Variants in PATJ observed in about 807,000 individuals in gnomAD.
PATJ encodes the protein PATJ crumbs cell polarity complex component, also known as inaD-like protein.
PATJ carries 190 observed loss-of-function variants against 224.9 expected under a neutral mutation model. The ratio of observed to expected loss-of-function variants is 0.84; its 90% CI spans 0.75 to 0.95. PATJ has a LOEUF of 0.95. PATJ is among the 40% of genes least tolerant of loss of function. The pLI, the probability that PATJ is intolerant of heterozygous loss-of-function variation, is 0.00. For missense variants in PATJ, 2,121 were observed against 2,270.3 expected (o/e 0.93, Z 1.34); for synonymous variants, 769 against 820.3 (o/e 0.94, Z 1.07).
chr1:61,902,197 G>A (rs1239427320), intron 24 of PATJ, among the ~76,000 whole-genome samples: 2 of 149,600 alleles, frequency 1.3e-5, no homozygotes, highest in East Asian at 4.0e-4. Flanking sequence ...CAGCCTGGGT[G>A]ACAGAACGAC....
chr1:62,159,555 C>CT (rs56862738), intron 43 of PATJ, among the ~76,000 whole-genome samples: 63 of 134,746 alleles, frequency 4.7e-4, no homozygotes, highest in South Asian at 2.2e-3. Context: ...ATTTCGAATA[C>CT]TTTTTTTTTT....
At chr1:61,902,722 G>A (rs571783575) in intron 24 of PATJ, among the ~76,000 whole-genome samples, 1 of 152,216 alleles carries the variant, frequency 6.6e-6, no homozygotes, top group African/African-American at 2.4e-5. Context: ...GGGAATGGGG[G>A]AATAGACAAT....
intron 20 of PATJ, among the ~76,000 whole-genome samples, chr1:61,866,925 A>C (rs981889053): frequency 6.6e-6 from 1 of 152,190 alleles, no homozygotes; most frequent in African/African-American, 2.4e-5. Flanking sequence ...TTTTTAGACC[A>C]TATAGGGTAA....
chr1:61,766,546 T>G, intron 4 of PATJ, 73 bp downstream of exon 4: 1 of 1,026,788 alleles, frequency 9.7e-7, no homozygotes, highest in Non-Finnish European at 1.4e-6. Flanking sequence ...GAGCTTATAC[T>G]CATTCTTTTT....
intron 37 of PATJ, among the ~76,000 whole-genome samples, chr1:62,118,680 A>T (rs1223732688): frequency 6.6e-6 from 1 of 151,992 alleles, no homozygotes. Flanking sequence ...CCCAGGTTGG[A>T]GTGCAATGGC....
At chr1:61,845,176 G>A (rs980360034) in intron 17 of PATJ, among the ~76,000 whole-genome samples, 9 of 152,060 alleles carry the variant, frequency 5.9e-5, no homozygotes, top group Non-Finnish European at 7.4e-5. Flanking sequence ...AACACTTTAG[G>A]TATATTGACT....
intron 34 of PATJ, among the ~76,000 whole-genome samples, chr1:62,109,210 G>GT (rs397942833): frequency 0.036 from 5,151 of 142,464 alleles, 254 homozygotes; most frequent in African/African-American, 0.12. Flanking sequence ...TTTAGGCCAC[G>GT]TTTTTTTTTT....
intron 22 of PATJ, among the ~76,000 whole-genome samples, chr1:61,897,296 T>C (rs577808189): frequency 6.6e-6 from 1 of 152,356 alleles, no homozygotes; most frequent in East Asian, 1.9e-4. Context: ...AACAGTTTAC[T>C]TGAATTGGTG....
chr1:62,034,271 C>T lies in PATJ; in HGVS notation c.3960-3706C>T, dbSNP rs559346359. 2.6e-5 allele frequency among the ~76,000 whole-genome samples: 4 copies of T among 152,100 alleles called. 1 individual carries two copies. Among genetic ancestry groups the T allele is most frequent in the Admixed American group, 2.6e-4 (4 of 15,266 alleles). ...CAGCATGGCCAACATGGTGATACTC[C>T]ATCTCTACTAAAAATACCAAAATTA... On this transcript the variant is annotated intron_variant, in intron 29 of 43. Transcript: ENST00000642238.
chr1:61,911,194 G>GT lies in PATJ; in HGVS notation c.3492+2720dup, dbSNP rs1244707827. Reference sequence around the variant, plus strand: ...GAGCATCACCAGTACACTTTCTTGGGTTTTTTTTGTTGTTGTTTTTTGTTT... The same window carrying GT: ...GAGCATCACCAGTACACTTTCTTGGGTTTTTTTTTGTTGTTGTTTTTTGTTT... On this transcript the variant is annotated intron_variant, in intron 25 of 43. Coordinates refer to ENST00000642238, the MANE Select transcript of PATJ (RefSeq NM_001350145.3). Among the ~76,000 whole-genome samples, 11 of 151,740 alleles carry GT rather than the reference G, an allele frequency of 7.2e-5. No individual in the cohort carries two copies. The East Asian group carries it at 9.7e-4, about 13-fold the overall frequency.
chr1:61,971,026 T>G (rs1011993670), intron 27 of PATJ, among the ~76,000 whole-genome samples: 1 of 152,218 alleles, frequency 6.6e-6, no homozygotes, highest in African/African-American at 2.4e-5. Context: ...TGCCAGCTCC[T>G]TTGCATGCTT....
chr1:61,974,405 C>CTCTTTTTTTT (rs1434777894), intron 27 of PATJ, among the ~76,000 whole-genome samples: 1 of 64,242 alleles, frequency 1.6e-5, no homozygotes, highest in African/African-American at 6.3e-5. Flanking sequence ...CTCTCTCTCT[C>CTCTTTTTTTT]TTTTTTTTTT....
intron 21 of PATJ, 169 bp downstream of exon 21, chr1:61,875,535 G>A (rs550335237): frequency 2.0e-6 from 1 of 508,758 alleles, no homozygotes; most frequent in Admixed American, 4.0e-5. Flanking sequence ...GAATAAACAT[G>A]CCTCAGATTT....
intron 41 of PATJ, among the ~76,000 whole-genome samples, chr1:62,135,585 A>G (rs750520160): frequency 7.2e-5 from 11 of 151,944 alleles, no homozygotes; most frequent in Non-Finnish European, 1.5e-4. Context: ...GGAAAAGGAC[A>G]AAGACCCAAG....
chr1:61,881,702 G>A (rs1212207374), intron 21 of PATJ, among the ~76,000 whole-genome samples: 5 of 152,088 alleles, frequency 3.3e-5, no homozygotes, highest in African/African-American at 1.2e-4. Context: ...GTGAGCTACC[G>A]CACCCAGCCC....
intron 28 of PATJ, among the ~76,000 whole-genome samples, chr1:61,995,875 C>G (rs994152421): frequency 6.6e-6 from 1 of 152,182 alleles, no homozygotes; most frequent in African/African-American, 2.4e-5. Flanking sequence ...TTATAATCTT[C>G]CCTTCAGTGC....
intron 21 of PATJ, among the ~76,000 whole-genome samples, chr1:61,878,010 C>CA (rs1239538553): frequency 6.6e-6 from 1 of 152,318 alleles, no homozygotes; most frequent in East Asian, 1.9e-4. Flanking sequence ...TGTGCACTGA[C>CA]AGGGTCCATG....
chr1:62,042,289 C>T (rs1355486928), intron 30 of PATJ, among the ~76,000 whole-genome samples: 1 of 152,192 alleles, frequency 6.6e-6, no homozygotes, highest in Non-Finnish European at 1.5e-5. Context: ...TAGTTCCACT[C>T]TGGACTGTTG....
intron 31 of PATJ, among the ~76,000 whole-genome samples, chr1:62,063,664 T>G (rs1323709424): frequency 6.6e-6 from 1 of 152,232 alleles, no homozygotes; most frequent in Non-Finnish European, 1.5e-5. Context: ...CATTTGTTTG[T>G]GTCATCTCTG....
Sources: gnomAD v4.1 joint callset for allele counts (sites outside exome capture counted in the v4.1 genomes callset) on GRCh38, gnomAD v4.1.1 for gene constraint, MANE v1.5 for transcripts, NCBI Gene and HGNC (gene_info 2026-07-23, HGNC 2026-07-21) for gene names.